The following CMSS1 variants were observed in gnomAD, a reference collection of about 807,000 sequenced individuals.
CMSS1 encodes the protein cms1 ribosomal small subunit homolog.
Under a neutral mutation model 43.5 loss-of-function variants are expected in CMSS1, and 33 were observed. The ratio of observed to expected loss-of-function variants is 0.76; its 90% CI spans 0.57 to 1.01. The LOEUF is 1.01. Among genes scored for constraint, CMSS1 ranks in the 50% least tolerant of loss-of-function variants. CMSS1 has a pLI of 0.00. For synonymous variants in CMSS1, 115 were observed against 117.2 expected, an observed-to-expected ratio of 0.98 and a Z score of 0.12; for missense variants, 313 against 326.4, an observed-to-expected ratio of 0.96 and a Z score of 0.32.
intron 1 of CMSS1, among the ~76,000 whole-genome samples, chr3:100,140,274 A>G (rs1288997310): frequency 2.6e-5 from 4 of 151,810 alleles, no homozygotes; most frequent in Non-Finnish European, 5.9e-5. Context: ...CAGCTTAATG[A>G]AATTTCCTTC....
intron 1 of CMSS1, chr3:99,898,857 A>G (rs1285046264): frequency 6.6e-6 from 1 of 152,172 alleles, no homozygotes; most frequent in Non-Finnish European, 1.5e-5. Flanking sequence ...ATTACATATG[A>G]ATACCAGAAG....
chr3:99,852,948 AGGCT>A (rs1170649781), intron 1 of CMSS1, among the ~76,000 whole-genome samples: 3 of 152,162 alleles, frequency 2.0e-5, no homozygotes, highest in African/African-American at 7.2e-5. Context: ...ACTTAACAGG[AGGCT>A]GGCCCAAGGG....
At chr3:100,003,617 G>A (rs989884520) in intron 1 of CMSS1, among the ~76,000 whole-genome samples, 3 of 152,016 alleles carry the variant, frequency 2.0e-5, no homozygotes, top group African/African-American at 2.4e-5. Context: ...TTTTTCCAGT[G>A]CATCACAAGT....
chr3:99,891,899 A>G (rs943521410), intron 1 of CMSS1, among the ~76,000 whole-genome samples: 1 of 152,190 alleles, frequency 6.6e-6, no homozygotes, highest in East Asian at 1.9e-4. Context: ...TCTTAGGTCT[A>G]CATATTAATA....
At chr3:100,003,870 T>C (rs1387360088) in intron 1 of CMSS1, among the ~76,000 whole-genome samples, 1 of 152,232 alleles carries the variant, frequency 6.6e-6, no homozygotes, top group Non-Finnish European at 1.5e-5. Context: ...CAACTACACC[T>C]GCTCAGCAAA....
intron 1 of CMSS1, among the ~76,000 whole-genome samples, chr3:99,985,388 T>C (rs1709308129): frequency 6.6e-6 from 1 of 151,870 alleles, no homozygotes; most frequent in African/African-American, 2.4e-5. Flanking sequence ...AAAAATTAGC[T>C]GGGCATGGTG....
At chr3:100,022,979 A>T (rs1185261431) in intron 1 of CMSS1, among the ~76,000 whole-genome samples, 1 of 152,188 alleles carries the variant, frequency 6.6e-6, no homozygotes. Flanking sequence ...CTTGCTTTTT[A>T]GATTTCTACT....
intron 1 of CMSS1, among the ~76,000 whole-genome samples, chr3:100,072,143 A>C (rs2065773279): frequency 6.6e-6 from 1 of 152,250 alleles, no homozygotes; most frequent in African/African-American, 2.4e-5. Context: ...TTTTAAGACC[A>C]AACACTAGGC....
At chr3:99,820,923 A>G (rs1413602766) in intron 1 of CMSS1, among the ~76,000 whole-genome samples, 1 of 152,236 alleles carries the variant, frequency 6.6e-6, no homozygotes. Flanking sequence ...GTTGTGGATT[A>G]TGCTACCTGC....
intron 1 of CMSS1, among the ~76,000 whole-genome samples, chr3:99,841,480 G>T (rs920320371): frequency 6.6e-6 from 1 of 152,148 alleles, no homozygotes; most frequent in Non-Finnish European, 1.5e-5. Context: ...GTATTAGCTT[G>T]TAACCACCAC....
chr3:99,872,402 T>C (rs1403363819), intron 1 of CMSS1, among the ~76,000 whole-genome samples: 3 of 151,930 alleles, frequency 2.0e-5, no homozygotes, highest in African/African-American at 7.3e-5. Flanking sequence ...TAGTTGAATG[T>C]TTGCTGTTCT....
chr3:99,903,085 T>C (rs936630772), intron 1 of CMSS1, among the ~76,000 whole-genome samples: 1 of 152,158 alleles, frequency 6.6e-6, no homozygotes, highest in Non-Finnish European at 1.5e-5. Context: ...GGTACCTTAT[T>C]TATCATCTCA....
At chr3:99,926,060 G>T (rs1707283627) in intron 1 of CMSS1, among the ~76,000 whole-genome samples, 1 of 152,232 alleles carries the variant, frequency 6.6e-6, no homozygotes, top group Non-Finnish European at 1.5e-5. Context: ...GATTTTTACA[G>T]TTTGCCTTTG....
In CMSS1 at chr3:99,952,991, A is replaced by G. The variant is rs1021919219; in HGVS notation, c.64+134948A>G. ...TGATTTGGTTTTTGTCACTGAACTG[A>G]GTGGTCTCTGAAGGTGGATTTTCTC... On this transcript the variant is annotated intron_variant, in intron 1 of 9. Coordinates refer to ENST00000421999, the MANE Select transcript of CMSS1 (RefSeq NM_032359.4). Among the ~76,000 whole-genome samples the G allele has an allele frequency of 4.6e-5, 7 of 152,170 alleles. No individual in the cohort carries two copies. In the East Asian group the frequency reaches 7.7e-4, roughly 17 times the overall value.
chr3:100,110,876 A>G (rs2066479557), intron 1 of CMSS1, among the ~76,000 whole-genome samples: 2 of 152,168 alleles, frequency 1.3e-5, no homozygotes, highest in African/African-American at 4.8e-5. Flanking sequence ...ACAATGTTTT[A>G]TGTTGCTAGG....
chr3:100,015,655 A>G (rs1317723202), intron 1 of CMSS1, among the ~76,000 whole-genome samples: 2 of 152,206 alleles, frequency 1.3e-5, no homozygotes, highest in African/African-American at 4.8e-5. Context: ...GCTGTGACTG[A>G]AATTACAGAA....
At chr3:99,836,859 A>G (rs1942920991) in intron 1 of CMSS1, among the ~76,000 whole-genome samples, 1 of 152,252 alleles carries the variant, frequency 6.6e-6, no homozygotes, top group African/African-American at 2.4e-5. Context: ...CCAATCAGAC[A>G]AATTACATAA....
At chr3:100,106,903 T>C (rs1236310738) in intron 1 of CMSS1, among the ~76,000 whole-genome samples, 1 of 152,166 alleles carries the variant, frequency 6.6e-6, no homozygotes, top group Non-Finnish European at 1.5e-5. Context: ...AACAGAAGTA[T>C]GCTAAGGGAA....
chr3:100,097,468 A>T (rs2066229850), intron 1 of CMSS1, among the ~76,000 whole-genome samples: 1 of 152,210 alleles, frequency 6.6e-6, no homozygotes, highest in African/African-American at 2.4e-5. Context: ...TCTTCTGTGG[A>T]TATGGAGGGA....
Sources: gnomAD v4.1 joint callset for allele counts (sites outside exome capture counted in the v4.1 genomes callset) on GRCh38, gnomAD v4.1.1 for gene constraint, MANE v1.5 for transcripts, NCBI Gene and HGNC (gene_info 2026-07-23, HGNC 2026-07-21) for gene names.